SNX8: variants seen among roughly 807,000 people sequenced by gnomAD.
SNX8 encodes the protein sorting nexin-8.
A neutral mutation model predicts 51.6 loss-of-function variants in SNX8; 25 were observed. The ratio of observed to expected loss-of-function variants is 0.48; its 90% CI spans 0.35 to 0.68. The LOEUF is 0.68. Ranked by LOEUF, SNX8 falls within the 30% of genes least tolerant of loss-of-function variation. SNX8 has a pLI of 0.00. For synonymous variants in SNX8, 324 were observed against 277.0 expected, an observed-to-expected ratio of 1.17 and a Z score of -1.68; for missense variants, 695 against 624.0, an observed-to-expected ratio of 1.11 and a Z score of -1.21.
chr7:2,319,028 A>G (rs1379910035), upstream of SNX8, among the ~76,000 whole-genome samples: 1 of 151,706 alleles, frequency 6.6e-6, no homozygotes, highest in Non-Finnish European at 1.5e-5. Context: ...AAATAAAAAT[A>G]AAATTGTTGC....
intron 5 of SNX8, among the ~76,000 whole-genome samples, chr7:2,268,585 C>T (rs1280785458): frequency 5.5e-5 from 8 of 145,146 alleles, no homozygotes; most frequent in Admixed American, 4.1e-4. Context: ...GCCGCCCTGT[C>T]CGGGAGGGAG....
chr7:2,353,164 C>G (rs764222388), intron 1 of SNX8, among the ~76,000 whole-genome samples: 2 of 152,040 alleles, frequency 1.3e-5, no homozygotes, highest in Admixed American at 6.6e-5. Flanking sequence ...TGGCACATAC[C>G]TTCAGTCCCA....
At chr7:2,335,486 A>T (rs1467236006) in intron 1 of SNX8, among the ~76,000 whole-genome samples, 1 of 151,288 alleles carries the variant, frequency 6.6e-6, no homozygotes. Flanking sequence ...CCATCTCAAT[A>T]AAAAAAAGAA....
At chr7:2,260,912 A>G (rs553950507) in intron 7 of SNX8, among the ~76,000 whole-genome samples, 2 of 152,286 alleles carry the variant, frequency 1.3e-5, no homozygotes, top group Non-Finnish European at 1.5e-5. Flanking sequence ...CTCCCTCTTC[A>G]AGGTGGAAAT....
chr7:2,287,527 C>A (rs1354581119), intron 1 of SNX8, among the ~76,000 whole-genome samples: 1 of 149,864 alleles, frequency 6.7e-6, no homozygotes, highest in Admixed American at 6.7e-5. Context: ...TGCAGTGAGC[C>A]GAGATCACGC....
chr7:2,341,509 C>A (rs1398425770), intron 1 of SNX8, among the ~76,000 whole-genome samples: 3 of 151,146 alleles, frequency 2.0e-5, no homozygotes, highest in African/African-American at 7.3e-5. Flanking sequence ...CAAAAAAAAG[C>A]AAAAATGAAG....
At chr7:2,313,754 T>C (rs1488537597) in intron 1 of SNX8, among the ~76,000 whole-genome samples, 2 of 152,056 alleles carry the variant, frequency 1.3e-5, no homozygotes, top group African/African-American at 2.4e-5. Flanking sequence ...CCCAGCACTT[T>C]GGGAGGCTAA....
At chr7:2,282,982 G>A (rs4721544) in intron 1 of SNX8, among the ~76,000 whole-genome samples, 125,193 of 149,788 alleles carry the variant, frequency 0.84, 53,497 homozygotes, top group Non-Finnish European at 0.93. Context: ...TTAGCCGGGC[G>A]TGGTGGCGGA....
At chr7:2,352,295 G>C (rs995110505) in intron 1 of SNX8, among the ~76,000 whole-genome samples, 3 of 151,906 alleles carry the variant, frequency 2.0e-5, no homozygotes, top group African/African-American at 7.3e-5. Flanking sequence ...GATTACATCT[G>C]GGAAGACTGC....
At chr7:2,272,230 T>G (rs1795665862) in intron 3 of SNX8, among the ~76,000 whole-genome samples, 1 of 152,190 alleles carries the variant, frequency 6.6e-6, no homozygotes, top group Non-Finnish European at 1.5e-5. Flanking sequence ...ATCTGCTTGT[T>G]TCCATCGGGA....
At chr7:2,310,662 G>C (rs904974645) in intron 1 of SNX8, among the ~76,000 whole-genome samples, 1 of 152,040 alleles carries the variant, frequency 6.6e-6, no homozygotes, top group Non-Finnish European at 1.5e-5. Context: ...AGCTACTCAG[G>C]AGGCTGAGGC....
At chr7:2,302,216 C>T (rs1437588786) in intron 1 of SNX8, among the ~76,000 whole-genome samples, 1 of 152,250 alleles carries the variant, frequency 6.6e-6, no homozygotes, top group Non-Finnish European at 1.5e-5. Context: ...GATTCTCCTG[C>T]CTCAGCCTGC....
At chr7:2,261,053 T>C (rs1436479501) in intron 7 of SNX8, among the ~76,000 whole-genome samples, 1 of 152,160 alleles carries the variant, frequency 6.6e-6, no homozygotes, top group Non-Finnish European at 1.5e-5. Context: ...GGGAGTGGAA[T>C]GTGGGAAGGT....
At chr7:2,312,654 C>T (rs1796679851) in intron 1 of SNX8, among the ~76,000 whole-genome samples, 1 of 152,104 alleles carries the variant, frequency 6.6e-6, no homozygotes, top group Middle Eastern at 3.2e-3. Flanking sequence ...CGTTTCTCGC[C>T]GACGAAGAAA....
In SNX8 at chr7:2,270,314, C is replaced by CAAAAAAAAAAAAAAAAAAAA. The variant is rs57983721; in HGVS notation, c.541-695_541-676dup. ...ATCATCTGACTCAACTCTCATTTTA[C>CAAAAAAAAAAAAAAAAAAAA]AAAAAAAAAAAAAAAAAAAAAAAAA... On this transcript the variant is annotated intron_variant, in intron 4 of 10. Coordinates refer to ENST00000222990, the MANE Select transcript of SNX8 (RefSeq NM_013321.4). 3.5e-5 allele frequency among the ~76,000 whole-genome samples: 2 copies of CAAAAAAAAAAAAAAAAAAAA among 57,088 alleles called. 1 individual carries two copies. The highest frequency in any genetic ancestry group is 5.7e-5 in the Non-Finnish European group (2 of 35,248). 37.5% of individuals were successfully genotyped at this position (57,088 alleles called of 152,430 possible). A position where few individuals can be genotyped will look rare whatever the true frequency, so the allele number is the denominator to read the frequency against.
chr7:2,347,405 T>C (rs1779051689), intron 1 of SNX8, among the ~76,000 whole-genome samples: 1 of 141,628 alleles, frequency 7.1e-6, no homozygotes, highest in South Asian at 2.2e-4. Context: ...CGCTTGAACC[T>C]AGGAGGTGGA....
intron 4 of SNX8, among the ~76,000 whole-genome samples, chr7:2,271,253 G>C (rs1795637869): frequency 6.6e-6 from 1 of 152,240 alleles, no homozygotes; most frequent in South Asian, 2.1e-4. Flanking sequence ...TGTTGTCCAG[G>C]CTGGTCTCAA....
intron 4 of SNX8, among the ~76,000 whole-genome samples, chr7:2,270,177 T>A (rs1795609630): frequency 1.3e-5 from 2 of 151,966 alleles, no homozygotes; most frequent in South Asian, 4.1e-4. Context: ...AGAGGCCTCC[T>A]GGGCAAAGCC....
chr7:2,336,958 G>A (rs946098925), intron 1 of SNX8, among the ~76,000 whole-genome samples: 12 of 151,936 alleles, frequency 7.9e-5, no homozygotes, highest in Non-Finnish European at 1.0e-4. Context: ...GCAGTGAGCC[G>A]AGACTGCGTT....
Sources: gnomAD v4.1 joint callset for allele counts (sites outside exome capture counted in the v4.1 genomes callset) on GRCh38, gnomAD v4.1.1 for gene constraint, MANE v1.5 for transcripts, NCBI Gene and HGNC (gene_info 2026-07-23, HGNC 2026-07-21) for gene names.